TIAM2: variants seen among roughly 807,000 people sequenced by gnomAD.
The protein encoded by TIAM2 is rho guanine nucleotide exchange factor TIAM2.
A neutral mutation model predicts 152.9 loss-of-function variants in TIAM2; 80 were observed. That is an observed-to-expected ratio of 0.52 (90% CI 0.44 to 0.63). TIAM2 has a LOEUF of 0.63. TIAM2 is among the 30% of genes least tolerant of loss of function. TIAM2 has a pLI of 0.00. For synonymous variants in TIAM2, 804 were observed against 838.0 expected (o/e 0.96, Z 0.70); for missense variants, 1,965 against 2,120.1 (o/e 0.93, Z 1.44).
intron 2 of TIAM2, among the ~76,000 whole-genome samples, chr6:155,117,345 T>A (rs1299728732): frequency 6.6e-6 from 1 of 152,180 alleles, no homozygotes; most frequent in Non-Finnish European, 1.5e-5. Flanking sequence ...GCCGGGCCAC[T>A]GAATTTACTT....
At chr6:155,115,351 T>A (rs1260558076) in intron 2 of TIAM2, among the ~76,000 whole-genome samples, 1 of 152,008 alleles carries the variant, frequency 6.6e-6, no homozygotes, top group Non-Finnish European at 1.5e-5. Flanking sequence ...CATGAGCCAC[T>A]GCATTAAAAT....
intron 12 of TIAM2, among the ~76,000 whole-genome samples, chr6:155,180,668 T>C (rs549536661): frequency 6.6e-6 from 1 of 152,280 alleles, no homozygotes; most frequent in African/African-American, 2.4e-5. Flanking sequence ...AGTGGCATGA[T>C]CTCGGCTCAC....
At chr6:155,245,551 C>A in intron 18 of TIAM2, 72 bp from the exon 19 acceptor site, 4 of 1,225,952 alleles carry the variant, frequency 3.3e-6, no homozygotes, top group South Asian at 1.2e-5. Flanking sequence ...AGCCATGGGG[C>A]CGTCAAATGC....
intron 14 of TIAM2, among the ~76,000 whole-genome samples, chr6:155,192,266 G>C (rs982647484): frequency 4.6e-5 from 7 of 152,006 alleles, no homozygotes; most frequent in Non-Finnish European, 1.0e-4. Context: ...GTAATAAACT[G>C]AGTTTACATG....
intron 7 of TIAM2, among the ~76,000 whole-genome samples, chr6:155,157,201 C>T (rs1044157052): frequency 4.6e-5 from 7 of 152,298 alleles, no homozygotes; most frequent in East Asian, 1.9e-4. Context: ...CAGAGATCTT[C>T]TCTGAGTCAG....
At chr6:155,224,594 T>C (rs376168733) in intron 15 of TIAM2, among the ~76,000 whole-genome samples, 2 of 152,144 alleles carry the variant, frequency 1.3e-5, no homozygotes, top group South Asian at 4.2e-4. Context: ...AGAATGGAGG[T>C]TTGTTTTAAA....
intron 1 of TIAM2, among the ~76,000 whole-genome samples, chr6:155,085,821 C>T (rs1778160532): frequency 6.6e-6 from 1 of 152,232 alleles, no homozygotes; most frequent in Non-Finnish European, 1.5e-5. Context: ...TGATTGATGA[C>T]TCTGTCCACA....
chr6:155,173,191 G>GTC lies in TIAM2; in HGVS notation c.2362-3624_2362-3623insCT, dbSNP rs1462704357. Among the ~76,000 whole-genome samples, 27 of 139,798 alleles carry GTC rather than the reference G, an allele frequency of 1.9e-4. No homozygotes were observed. The East Asian group carries it at 2.0e-3, about 10-fold the overall frequency. 91.7% of individuals were successfully genotyped at this position (139,798 alleles called of 152,430 possible). On this transcript the variant is annotated intron_variant, in intron 9 of 26. Transcript: ENST00000682666. ...GGGTTGTGTGTGTGTGTGTGTGTGT[G>GTC]TGTGTGTGTGTCTGTCTGTCTGTCT...
intron 14 of TIAM2, among the ~76,000 whole-genome samples, chr6:155,190,421 G>C (rs1011234097): frequency 6.6e-6 from 1 of 152,228 alleles, no homozygotes; most frequent in Non-Finnish European, 1.5e-5. Context: ...ACTAAAGTGT[G>C]GTCCTCACCG....
rs905656202 is a variant in TIAM2, at chr6:155,010,999, G to A, written c.-209+15507G>A. On this transcript the variant is annotated intron_variant, in intron 1 of 26. Transcript: ENST00000682666. Reference sequence around the variant, plus strand: ...GCGGAGGTTGTGGTGAGCTGAGATCGAGCCATTGCACTCCAGCCTTGGTGA... The same window carrying A: ...GCGGAGGTTGTGGTGAGCTGAGATCAAGCCATTGCACTCCAGCCTTGGTGA... Among the ~76,000 whole-genome samples, 10 of 151,186 alleles carry A rather than the reference G, an allele frequency of 6.6e-5. No homozygotes were observed. In the East Asian group the frequency reaches 9.8e-4, roughly 15 times the overall value.
At position 155,188,763 on chromosome 6, in the gene TIAM2, C is replaced by T. The variant is rs1348435060; in HGVS notation, c.3064+5263C>T. ...GAAAGTCTCATTGGGCATAGAGTTT[C>T]TGAATAAAGTCTTTATGTAAACACT... On this transcript the variant is annotated intron_variant, in intron 14 of 26. Transcript: ENST00000682666. Among the ~76,000 whole-genome samples, 8 of 152,312 alleles carry T rather than the reference C, an allele frequency of 5.3e-5. No homozygotes were observed. In the East Asian group the frequency reaches 1.5e-3, roughly 29 times the overall value.
At chr6:155,105,170 A>G (rs1778652541) in intron 2 of TIAM2, among the ~76,000 whole-genome samples, 1 of 151,424 alleles carries the variant, frequency 6.6e-6, no homozygotes, top group Non-Finnish European at 1.5e-5. Flanking sequence ...GTTAGCCAGG[A>G]TGGTCTCAAT....
At position 155,254,444 on chromosome 6, in the gene TIAM2, G is replaced by C; in HGVS notation, c.4339G>C (p.Val1447Leu). Residue 1447 changes from valine to leucine, a missense_variant, in exon 26 of 27, where the codon GTT (valine) becomes CTT (leucine). Val to Leu is a conservative substitution (Grantham distance 32). Transcript: ENST00000682666. ...TGACAGTGAAAGCAAAACCAACATT[G>C]TTAAGGTGATTCGTTCTATTCTGAG... The part of the protein sequence containing the change: ...CSDSESKTNI[V>L]KVIRSILREN... 6.2e-7 allele frequency: 1 copy of C among 1,613,760 alleles called. No individual in the cohort carries two copies. Among genetic ancestry groups the C allele is most frequent in the Non-Finnish European group, 8.5e-7 (1 of 1,179,704 alleles).
At chr6:155,018,449 G>A (rs1431744555) in intron 1 of TIAM2, among the ~76,000 whole-genome samples, 6 of 150,736 alleles carry the variant, frequency 4.0e-5, no homozygotes, top group Non-Finnish European at 8.9e-5. Context: ...GTGAAACCCC[G>A]TGTCACTAAT....
chr6:155,177,557 G>A (rs558999081), intron 10 of TIAM2, among the ~76,000 whole-genome samples: 1 of 152,162 alleles, frequency 6.6e-6, no homozygotes, highest in Non-Finnish European at 1.5e-5. Context: ...TAGACCACCA[G>A]GTGGTGCAGT....
intron 15 of TIAM2, among the ~76,000 whole-genome samples, chr6:155,234,396 G>C (rs568143487): frequency 1.2e-4 from 18 of 152,328 alleles, no homozygotes; most frequent in African/African-American, 4.3e-4. Flanking sequence ...AGCATCGTTA[G>C]TGGCTGGGAC....
intron 1 of TIAM2, among the ~76,000 whole-genome samples, chr6:155,059,245 A>T (rs569089066): frequency 6.6e-6 from 1 of 150,482 alleles, no homozygotes; most frequent in Non-Finnish European, 1.5e-5. Context: ...GACACTTTTG[A>T]TGATTAATGA....
rs1780396914 is a variant in TIAM2 at position 155,165,313 on chromosome 6, C to G, written c.2265C>G (p.Thr755=). ...TCCGGAAAAGGACACTGTCACTGACCCAGCGAGGGAGAAACAAGAAGGGAA... is the reference window on the plus strand; with the variant it reads ...TCCGGAAAAGGACACTGTCACTGACGCAGCGAGGGAGAAACAAGAAGGGAA... ...SALRKRTLSL[T]QRGRNKKGIF... is the part of the protein sequence containing the mutation. Residue 755 remains threonine, a synonymous_variant, in exon 9 of 27, where the codon ACC becomes ACG. Coordinates refer to ENST00000682666, the MANE Select transcript of TIAM2 (RefSeq NM_012454.4). 6.2e-7 allele frequency: 1 copy of G among 1,613,746 alleles called. No homozygotes were observed. The highest frequency in any genetic ancestry group is 8.5e-7 in the Non-Finnish European group (1 of 1,179,988).
chr6:155,102,018 A>G (rs1466960589), intron 2 of TIAM2, among the ~76,000 whole-genome samples: 2 of 150,312 alleles, frequency 1.3e-5, no homozygotes, highest in Admixed American at 6.7e-5. Flanking sequence ...TTTGAGACAC[A>G]GTCTCACTTT....
Sources: allele counts gnomAD v4.1 joint callset (sites outside exome capture counted in the v4.1 genomes callset), GRCh38; gene constraint gnomAD v4.1.1; transcripts MANE v1.5; gene names NCBI Gene and HGNC (gene_info 2026-07-23, HGNC 2026-07-21).